PRDM12: variants seen among roughly 807,000 people sequenced by gnomAD.
PRDM12 encodes PR domain zinc finger protein 12.
In PRDM12, 17 loss-of-function variants were observed where a neutral mutation model predicts 29.6. The ratio of observed to expected loss-of-function variants is 0.57; its 90% confidence interval spans 0.39 to 0.86. The LOEUF is 0.86. Ranked by LOEUF, PRDM12 falls within the 40% of genes least tolerant of loss-of-function variation. The pLI is 0.00. For missense variants in PRDM12, 422 were observed against 510.8 expected, an observed-to-expected ratio of 0.83 and a Z score of 1.68; for synonymous variants, 231 against 225.8, an observed-to-expected ratio of 1.02 and a Z score of -0.21.
intron 1 of PRDM12, 36 bp from the exon 2 acceptor site, chr9:130,666,572 G>A (rs1588184113): frequency 6.3e-7 from 1 of 1,590,624 alleles, no homozygotes; most frequent in South Asian, 1.1e-5. Context: ...CGGCTGCCTC[G>A]GGCTCTGACC....
chr9:130,665,965 C>T (rs903823929), intron 1 of PRDM12, among the ~76,000 whole-genome samples: 9 of 152,304 alleles, frequency 5.9e-5, no homozygotes, highest in African/African-American at 2.2e-4. Flanking sequence ...TGTCTGAGCC[C>T]GGGCGCCGCC....
rs1830735372 is a variant in PRDM12 at position 130,666,614 on chromosome 9, A to G, written c.230A>G (p.Gln77Arg). 1 of 1,607,568 alleles carries G rather than the reference A, an allele frequency of 6.2e-7. No individual in the cohort carries two copies. Among genetic ancestry groups the G allele is most frequent in the Non-Finnish European group, 8.5e-7 (1 of 1,177,544 alleles). Residue 77 changes from glutamine (Q) to arginine (R), a missense_variant, in exon 2 of 5, where the codon CAG becomes CGG. Around this residue, in one of 5 missense-constraint regions of PRDM12, gnomAD observed 300 missense variants for 350.0 expected, o/e 0.86. Transcript: ENST00000253008. ...VLAQSFSGEV[Q>R]KLSSLVLPAE... ...CCTGGCCCCGCCGCCGCAGAAGTGCAGAAGCTGTCCAGCCTGGTGCTGCCT... is the reference window on the plus strand; with the variant it reads ...CCTGGCCCCGCCGCCGCAGAAGTGCGGAAGCTGTCCAGCCTGGTGCTGCCT...
rs35863613 is a variant in PRDM12, at chr9:130,674,010, C to CT, written c.571-4497dup. Among the ~76,000 whole-genome samples the CT allele has an allele frequency of 8.7e-3, 628 of 71,844 alleles. 15 individuals carry two copies. The highest frequency in any genetic ancestry group is 0.014 in the East Asian group (26 of 1,868). The allele number at this position is 71,844 out of a possible 152,430, so 47.1% of individuals were successfully genotyped here. On this transcript the variant is annotated intron_variant, in intron 3 of 4. Coordinates refer to ENST00000253008, the MANE Select transcript of PRDM12 (RefSeq NM_021619.3). ...TTGTTTTTCTTTTCTTTCTTTCTTT[C>CT]TTTTTTTTTTTTTTTTTTTTTTGAG... is the stretch of plus-strand genomic sequence containing the variant.
rs116526579 is a variant in PRDM12, at chr9:130,670,997, T to C, written c.570+2684T>C. Among the ~76,000 whole-genome samples, 429 of 152,000 alleles carry C rather than the reference T, an allele frequency of 2.8e-3. 4 individuals carry two copies. Among genetic ancestry groups the C allele is most frequent in the African/African-American group, 9.8e-3 (408 of 41,468 alleles). On this transcript the variant is annotated intron_variant, in intron 3 of 4. Transcript: ENST00000253008. ...GAATATCTTCAGGGAAGCATTTGAG[T>C]TTATAGGATTAGGAAAAATGGTCAT...
chr9:130,676,498 A>T (rs1307206688), intron 3 of PRDM12, among the ~76,000 whole-genome samples: 2 of 152,218 alleles, frequency 1.3e-5, no homozygotes, highest in Non-Finnish European at 2.9e-5. Flanking sequence ...TCCGTCTCAA[A>T]AAAAAACAAA....
rs1211809526 is a variant in PRDM12, at chr9:130,681,575, T to A, written c.1010T>A (p.Leu337Gln). The change falls in exon 5 of 5, where the codon CTG becomes CAG. Residue 337 changes from leucine (L) to glutamine (Q), a missense_variant. This residue lies in a region of PRDM12 where 66 missense variants were observed against 61.5 expected (regional missense o/e 1.07). Transcript: ENST00000253008. This position sits in a 1 kb window ranked among gnomAD's most constrained non-coding sequence, Gnocchi z 8.1. ...STALQAHSPA[L>Q]PAPHAHAPAL... is the part of the protein sequence containing the mutation. The stretch of plus-strand genomic sequence containing the variant: ...GCGCTGCAGGCACACTCGCCCGCGC[T>A]GCCCGCCCCGCACGCGCACGCGCCC... The A allele has an allele frequency of 3.4e-6, 4 of 1,189,378 alleles. No homozygotes were observed. The highest frequency in any genetic ancestry group is 4.2e-6 in the Non-Finnish European group (4 of 960,726). 73.7% of individuals were successfully genotyped at this position (1,189,378 alleles called of 1,614,324 possible).
chr9:130,680,659 A>ATATATATATATATATATTTTT, intron 4 of PRDM12, among the ~76,000 whole-genome samples: 7 of 72,154 alleles, frequency 9.7e-5, no homozygotes, highest in South Asian at 5.5e-4. Context: ...ATATATATAT[A>ATATATATATATATATATTTTT]TTTTTTTTTT....
chr9:130,665,708 C>T (rs533724255), intron 1 of PRDM12, among the ~76,000 whole-genome samples: 33 of 152,316 alleles, frequency 2.2e-4, no homozygotes, highest in African/African-American at 6.7e-4. Context: ...CGAATGAATG[C>T]GATCACTTTA....
chr9:130,670,604 A>G (rs1048453246), intron 3 of PRDM12, among the ~76,000 whole-genome samples: 1 of 152,070 alleles, frequency 6.6e-6, no homozygotes, highest in African/African-American at 2.4e-5. Flanking sequence ...CACATCCTAA[A>G]ATTGGCTTCC....
intron 1 of PRDM12, among the ~76,000 whole-genome samples, chr9:130,665,106 T>TCGCTCGGCCCCGACGCCCCCGC (rs1830719221): frequency 1.3e-5 from 2 of 152,126 alleles, no homozygotes; most frequent in Admixed American, 6.5e-5. Flanking sequence ...GGCGACCCCG[T>TCGCTCGGCCCCGACGCCCCCGC]CGCTCGGCCC....
At chr9:130,666,584 G>T (rs757610941) in intron 1 of PRDM12, 24 bp from the exon 2 acceptor site, 1 of 1,596,754 alleles carries the variant, frequency 6.3e-7, no homozygotes, top group Admixed American at 1.7e-5. Flanking sequence ...GCTCTGACCG[G>T]TTTTCCTGGC....
intron 3 of PRDM12, among the ~76,000 whole-genome samples, chr9:130,670,977 T>G (rs568854655): frequency 2.6e-5 from 4 of 152,162 alleles, no homozygotes; most frequent in Admixed American, 2.0e-4. Flanking sequence ...CTGAAGAATA[T>G]CTTCAGGGAA....
Position 130,664,812 on chromosome 9 carries a change from G to A in PRDM12, c.159G>A (p.Lys53=). The A allele has an allele frequency of 6.4e-7, 1 of 1,568,784 alleles. No homozygotes were observed. Among genetic ancestry groups the A allele is most frequent in the East Asian group, 2.4e-5 (1 of 42,468 alleles). ...NVLGEQLFED[K]SHHASPKTAF... is the part of the protein sequence containing the mutation. ...TCGGGGAGCAGCTCTTCGAGGACAA[G>A]AGCCACCACGCCAGCCCCAAGACAG... The change falls in exon 1 of 5, where the codon AAG becomes AAA. Residue 53 remains lysine (K), a synonymous_variant. Transcript: ENST00000253008. The surrounding 1 kb of genome is among the most constrained non-coding windows in gnomAD (Gnocchi z 6.4).
intron 3 of PRDM12, among the ~76,000 whole-genome samples, chr9:130,671,083 G>A (rs997177963): frequency 3.9e-5 from 6 of 152,122 alleles, no homozygotes; most frequent in African/African-American, 7.2e-5. Flanking sequence ...GGTGGCTCAC[G>A]CCTGTAATCC....
At chr9:130,672,442 G>A (rs948430049) in intron 3 of PRDM12, among the ~76,000 whole-genome samples, 1 of 152,174 alleles carries the variant, frequency 6.6e-6, no homozygotes, top group African/African-American at 2.4e-5. Flanking sequence ...GCCCGCCTCG[G>A]CCTCCCAAAG....
chr9:130,677,626 G>A (rs1381208305), intron 3 of PRDM12, among the ~76,000 whole-genome samples: 1 of 152,222 alleles, frequency 6.6e-6, no homozygotes, highest in African/African-American at 2.4e-5. Context: ...CATACGCCCT[G>A]CCTGGCTAGG....
At position 130,681,689 on chromosome 9, in the gene PRDM12, G is replaced by A; in HGVS notation, c.*20G>A. On this transcript the variant is annotated 3_prime_UTR_variant, in exon 5 of 5. Coordinates refer to ENST00000253008, the MANE Select transcript of PRDM12 (RefSeq NM_021619.3). This position sits in a 1 kb window ranked among gnomAD's most constrained non-coding sequence, Gnocchi z 8.1. ...CTGTGAGCGCGCCCGCGCCCCCGCC[G>A]GGCCCCGCGCGCTCCTGGGTCCCCG... 2.0e-6 allele frequency: 2 copies of A among 980,486 alleles called. No individual in the cohort carries two copies. Among genetic ancestry groups the A allele is most frequent in the Non-Finnish European group, 2.4e-6 (2 of 827,788 alleles). The allele number at this position is 980,486 out of a possible 1,614,324, so 60.7% of individuals were successfully genotyped here.
intron 3 of PRDM12, among the ~76,000 whole-genome samples, chr9:130,674,010 C>CTT (rs35863613): frequency 6.4e-3 from 460 of 71,548 alleles, no homozygotes; most frequent in Non-Finnish European, 7.8e-3. Flanking sequence ...TTCTTTCTTT[C>CTT]TTTTTTTTTT....
At chr9:130,671,672 C>T (rs1027028534) in intron 3 of PRDM12, among the ~76,000 whole-genome samples, 8 of 152,160 alleles carry the variant, frequency 5.3e-5, no homozygotes, top group Admixed American at 5.2e-4. Flanking sequence ...GAGGCCGAGG[C>T]CCAGAGCTCA....
Sources: allele counts gnomAD v4.1 joint callset (sites outside exome capture counted in the v4.1 genomes callset), GRCh38; gene constraint gnomAD v4.1.1; regional missense constraint gnomAD v4.1.1; non-coding constraint Gnocchi (gnomAD v3.1); transcripts MANE v1.5; gene names NCBI Gene and HGNC (gene_info 2026-07-23, HGNC 2026-07-21).